MKX: variants seen among roughly 807,000 people sequenced by gnomAD.
The protein encoded by MKX is mohawk homeobox.
A neutral mutation model predicts 36.0 loss-of-function variants in MKX; 13 were observed. The ratio of observed to expected loss-of-function variants is 0.36; its 90% CI spans 0.24 to 0.57. The LOEUF (loss-of-function observed/expected upper bound fraction) is 0.57. Among genes scored for constraint, MKX ranks in the 20% least tolerant of loss-of-function variants. The pLI, the probability that MKX is intolerant of heterozygous loss-of-function variation, is 0.79. For synonymous variants in MKX, 176 were observed against 178.3 expected (o/e 0.99, Z 0.10); for missense variants, 458 against 456.4 (o/e 1.00, Z -0.03).
rs975843444 is a variant in MKX, at chr10:27,674,196, T to A, written c.*1033A>T. 5.9e-5 allele frequency: 9 copies of A among 152,264 alleles called. No homozygotes were observed. The highest frequency in any genetic ancestry group is 2.2e-4 in the African/African-American group (9 of 41,468). 9.4% of individuals were successfully genotyped at this position (152,264 alleles called of 1,614,324 possible). Reference sequence around the variant, plus strand: ...ACTGTTCAATGTTTTGTTTTCCATATGTTTTAAATTTAAAAATCAATTTTA... The same window carrying A: ...ACTGTTCAATGTTTTGTTTTCCATAAGTTTTAAATTTAAAAATCAATTTTA... On this transcript the variant is annotated 3_prime_UTR_variant, in exon 7 of 7. Transcript: ENST00000419761.
intron 5 of MKX, among the ~76,000 whole-genome samples, chr10:27,687,833 G>A (rs1443433149): frequency 1.3e-5 from 2 of 152,214 alleles, no homozygotes; most frequent in Admixed American, 6.5e-5. Flanking sequence ...CAGTGTCAGC[G>A]GGGGATGAGA....
chr10:27,738,796 T>C (rs1471908761), intron 3 of MKX, among the ~76,000 whole-genome samples: 1 of 152,098 alleles, frequency 6.6e-6, no homozygotes, highest in East Asian at 1.9e-4. Flanking sequence ...CATCTGTCCA[T>C]GTTTGAACAC....
At chr10:27,679,164 T>C (rs1836207828) in intron 5 of MKX, among the ~76,000 whole-genome samples, 1 of 152,112 alleles carries the variant, frequency 6.6e-6, no homozygotes, top group South Asian at 2.1e-4. Context: ...GAGAAATACC[T>C]AATGTAAATG....
At chr10:27,676,947 A>G (rs1836163783) in intron 5 of MKX, among the ~76,000 whole-genome samples, 1 of 152,126 alleles carries the variant, frequency 6.6e-6, no homozygotes, top group Non-Finnish European at 1.5e-5. Flanking sequence ...AACACCACAT[A>G]AATATAAAGA....
intron 5 of MKX, among the ~76,000 whole-genome samples, chr10:27,718,136 C>A (rs978125335): frequency 6.6e-6 from 1 of 152,096 alleles, no homozygotes; most frequent in Non-Finnish European, 1.5e-5. Flanking sequence ...TCAGTCATCT[C>A]ATTCACAGTC....
chr10:27,693,503 G>C (rs919031297), intron 5 of MKX, among the ~76,000 whole-genome samples: 4 of 151,962 alleles, frequency 2.6e-5, no homozygotes, highest in African/African-American at 9.7e-5. Context: ...ACCAGGAAAA[G>C]GCAAGAACAA....
intron 5 of MKX, among the ~76,000 whole-genome samples, chr10:27,706,806 G>C (rs1252758106): frequency 2.0e-5 from 3 of 152,144 alleles, no homozygotes; most frequent in African/African-American, 7.2e-5. Context: ...GAGGGGAAAA[G>C]AAGTATCTAT....
At chr10:27,731,727 CCTTTGGAATG>C (rs1834634610) in intron 5 of MKX, among the ~76,000 whole-genome samples, 2 of 151,038 alleles carry the variant, frequency 1.3e-5, no homozygotes, top group Non-Finnish European at 3.0e-5. Flanking sequence ...GGACCAAGTG[CCTTTGGAATG>C]CTTTAATAAA....
Position 27,675,262 on chromosome 10 carries a change from C to T in MKX, c.1026G>A (p.Lys342=). 1.2e-6 allele frequency: 2 copies of T among 1,614,124 alleles called. No individual in the cohort carries two copies. Among genetic ancestry groups the T allele is most frequent in the Non-Finnish European group, 1.7e-6 (2 of 1,180,016 alleles). The part of the protein sequence containing the change: ...IQKSSHIAEV[K]TVKVPLVQQF ...GCTGCACCAGCGGCACTTTGACAGT[C>T]TTTACTTCTGCTATATGGGACGACT... The change falls in exon 7 of 7, where the codon AAG becomes AAA. Residue 342 remains lysine (K), a synonymous_variant. Transcript: ENST00000419761.
At chr10:27,736,040 TG>T (rs762021526) in intron 3 of MKX, among the ~76,000 whole-genome samples, 1 of 152,128 alleles carries the variant, frequency 6.6e-6, no homozygotes, top group Non-Finnish European at 1.5e-5. Flanking sequence ...GTGCTAATAC[TG>T]GTGACATGTC....
At chr10:27,709,115 G>A (rs773686338) in intron 5 of MKX, among the ~76,000 whole-genome samples, 11 of 152,096 alleles carry the variant, frequency 7.2e-5, no homozygotes, top group Non-Finnish European at 1.6e-4. Context: ...GTTGCAGTGA[G>A]CTGAAATTGT....
At chr10:27,736,083 G>T (rs1834766818) in intron 3 of MKX, among the ~76,000 whole-genome samples, 1 of 152,136 alleles carries the variant, frequency 6.6e-6, no homozygotes, top group Non-Finnish European at 1.5e-5. Flanking sequence ...ATCTGAGATT[G>T]AAGGGAGGGG....
intron 5 of MKX, among the ~76,000 whole-genome samples, chr10:27,706,500 C>G (rs1836758328): frequency 6.6e-6 from 1 of 151,614 alleles, no homozygotes; most frequent in Non-Finnish European, 1.5e-5. Context: ...CAGCAGTGCT[C>G]AAGGGTCCTG....
At chr10:27,691,462 T>A (rs534547039) in intron 5 of MKX, among the ~76,000 whole-genome samples, 7 of 152,236 alleles carry the variant, frequency 4.6e-5, no homozygotes, top group East Asian at 3.9e-4. Flanking sequence ...ATAGTAAAAA[T>A]ATATATATAT....
intron 5 of MKX, among the ~76,000 whole-genome samples, chr10:27,712,035 G>A (rs1326998223): frequency 6.6e-6 from 1 of 152,146 alleles, no homozygotes; most frequent in Non-Finnish European, 1.5e-5. Flanking sequence ...GATTGGCCAG[G>A]TGAAGGAGAC....
chr10:27,711,490 T>TTC (rs1836862496), intron 5 of MKX, among the ~76,000 whole-genome samples: 14 of 47,584 alleles, frequency 2.9e-4, no homozygotes, highest in South Asian at 2.8e-3. Context: ...TTTCTCTCTC[T>TTC]CTCTCTTCTT....
chr10:27,701,258 A>C (rs1283826296), intron 5 of MKX, among the ~76,000 whole-genome samples: 2 of 107,626 alleles, frequency 1.9e-5, no homozygotes, highest in Non-Finnish European at 4.1e-5. Context: ...AAGGGTTTTC[A>C]AAGGACTTTC....
At chr10:27,734,372 C>G in intron 5 of MKX, 84 bp downstream of exon 5, 1 of 1,220,748 alleles carries the variant, frequency 8.2e-7, no homozygotes, top group East Asian at 2.3e-5. Context: ...GTCTTTATAC[C>G]TGTTAAAATA....
chr10:27,684,147 C>T (rs1159603510), intron 5 of MKX, among the ~76,000 whole-genome samples: 2 of 151,566 alleles, frequency 1.3e-5, no homozygotes, highest in Non-Finnish European at 1.5e-5. Context: ...GACTCCGTGT[C>T]TATTAAAAAT....
Sources: gnomAD v4.1 joint callset for allele counts (sites outside exome capture counted in the v4.1 genomes callset) on GRCh38, gnomAD v4.1.1 for gene constraint, MANE v1.5 for transcripts, NCBI Gene and HGNC (gene_info 2026-07-23, HGNC 2026-07-21) for gene names.